Variants in CEP128 observed in about 807,000 individuals in gnomAD.
The protein encoded by CEP128 is centrosomal protein 128kDa.
In CEP128, 132 loss-of-function variants were observed where a neutral mutation model predicts 156.7. The observed-to-expected ratio is 0.84, with a 90% CI of 0.73 to 0.97. The LOEUF (loss-of-function observed/expected upper bound fraction) is 0.97. Among genes scored for constraint, CEP128 ranks in the 50% least tolerant of loss-of-function variants. The pLI, the probability that CEP128 is intolerant of heterozygous loss-of-function variation, is 0.00. For synonymous variants in CEP128, 469 were observed against 448.9 expected (o/e 1.04, Z -0.57); for missense variants, 1,252 against 1,281.9 (o/e 0.98, Z 0.36).
At chr14:80,945,647 A>C (rs1017333124), upstream of CEP128, 8 of 152,178 alleles carry the variant, frequency 5.3e-5, no homozygotes, top group African/African-American at 1.7e-4. Flanking sequence ...GAGAATTTAA[A>C]ATGGGCACTC....
chr14:80,909,357 A>T (rs1884072963), intron 4 of CEP128, among the ~76,000 whole-genome samples: 1 of 140,920 alleles, frequency 7.1e-6, no homozygotes, highest in East Asian at 2.1e-4. Context: ...AAAGCTCAGA[A>T]ATAAAGTGAA....
At chr14:80,580,105 G>A (rs776908160) in intron 20 of CEP128, among the ~76,000 whole-genome samples, 1 of 152,156 alleles carries the variant, frequency 6.6e-6, no homozygotes, top group Non-Finnish European at 1.5e-5. Flanking sequence ...AAAGGATACT[G>A]CCTTCATTTC....
At chr14:80,763,889 G>T (rs1421059735) in intron 16 of CEP128, among the ~76,000 whole-genome samples, 1 of 152,062 alleles carries the variant, frequency 6.6e-6, no homozygotes, top group Non-Finnish European at 1.5e-5. Context: ...ACGTACATAA[G>T]GCCTCCTGAT....
chr14:80,759,679 A>T (rs1362732433), intron 17 of CEP128, among the ~76,000 whole-genome samples: 1 of 152,164 alleles, frequency 6.6e-6, no homozygotes, highest in Admixed American at 6.5e-5. Flanking sequence ...CTTGGATTGA[A>T]TTAGTCTTTC....
At chr14:80,584,432 C>T (rs1891727958) in intron 19 of CEP128, among the ~76,000 whole-genome samples, 1 of 152,122 alleles carries the variant, frequency 6.6e-6, no homozygotes, top group Non-Finnish European at 1.5e-5. Context: ...AGGTGTGAGC[C>T]ACTGCCTCTG....
At chr14:80,756,368 T>C (rs1259691198) in intron 18 of CEP128, among the ~76,000 whole-genome samples, 1 of 152,184 alleles carries the variant, frequency 6.6e-6, no homozygotes, top group East Asian at 1.9e-4. Flanking sequence ...GTAAACTTTA[T>C]CTTTCCATCA....
chr14:80,845,012 T>C (rs554879702), intron 9 of CEP128, among the ~76,000 whole-genome samples: 22 of 152,264 alleles, frequency 1.4e-4, no homozygotes, highest in African/African-American at 4.8e-4. Context: ...GGACACAATC[T>C]TTACCCTAAA....
chr14:80,671,615 A>G lies in CEP128; in HGVS notation c.2806+71460T>C, dbSNP rs116194492. On this transcript the variant is annotated intron_variant, in intron 19 of 24. Transcript: ENST00000555265. ...CTCTGTCAAGGACAAGCCATGGGGAATGAACAGAAATAAACAGGCAATCTA... is the reference window on the plus strand; with the variant it reads ...CTCTGTCAAGGACAAGCCATGGGGAGTGAACAGAAATAAACAGGCAATCTA... Among the ~76,000 whole-genome samples the G allele has an allele frequency of 4.7e-3, 710 of 152,302 alleles. 4 individuals are homozygous for G. Among genetic ancestry groups the G allele is most frequent in the African/African-American group, 0.016 (680 of 41,582 alleles).
intron 14 of CEP128, among the ~76,000 whole-genome samples, chr14:80,481,028 A>T (rs1170258122): frequency 6.6e-6 from 1 of 151,944 alleles, no homozygotes; most frequent in Non-Finnish European, 1.5e-5. Context: ...AGCCCTCCAA[A>T]CTGTTCCAAC....
intron 23 of CEP128, among the ~76,000 whole-genome samples, chr14:80,515,957 C>T (rs1459134867): frequency 6.6e-6 from 1 of 152,204 alleles, no homozygotes; most frequent in Non-Finnish European, 1.5e-5. Flanking sequence ...CAACGACCAC[C>T]TCCCGGGTTC....
In CEP128 at chr14:80,819,239, CTTTTTTTTTTTT is replaced by C. The variant is rs1187431254; in HGVS notation, c.1209+11892_1209+11903del. On this transcript the variant is annotated intron_variant, in intron 13 of 24. Coordinates refer to ENST00000555265, the MANE Select transcript of CEP128 (RefSeq NM_152446.5). ...AGCAAGCCAGCTCTCTGGCATCTTC[CTTTTTTTTTTTT>C]TTTTTTTTTTTTTGAGATGGAGTCT... Among the ~76,000 whole-genome samples the C allele has an allele frequency of 1.7e-4, 14 of 82,750 alleles. No individual in the cohort carries two copies. The South Asian group carries it at 2.5e-3, about 15-fold the overall frequency. 54.3% of individuals were successfully genotyped at this position (82,750 alleles called of 152,430 possible).
chr14:80,696,745 T>C (rs971512025), intron 19 of CEP128, among the ~76,000 whole-genome samples: 1 of 152,154 alleles, frequency 6.6e-6, no homozygotes, highest in Non-Finnish European at 1.5e-5. Flanking sequence ...TTTCAGTAGG[T>C]TGAAGAAAGA....
At chr14:80,578,172 T>C (rs1396585397) in intron 20 of CEP128, among the ~76,000 whole-genome samples, 1 of 152,172 alleles carries the variant, frequency 6.6e-6, no homozygotes, top group Non-Finnish European at 1.5e-5. Flanking sequence ...TTTATAGTCT[T>C]CACTAATTAT....
chr14:80,766,193 C>T (rs1391547392), intron 16 of CEP128, among the ~76,000 whole-genome samples: 2 of 152,134 alleles, frequency 1.3e-5, no homozygotes, highest in Admixed American at 6.5e-5. Context: ...GTGTGCTAAT[C>T]ACACACTGAA....
chr14:80,791,220 G>A (rs1443352861), intron 14 of CEP128, among the ~76,000 whole-genome samples: 1 of 151,958 alleles, frequency 6.6e-6, no homozygotes, highest in African/African-American at 2.4e-5. Flanking sequence ...ACTGCAACAT[G>A]CTGCATTAAT....
chr14:80,516,630 C>T (rs1321887890), intron 23 of CEP128, among the ~76,000 whole-genome samples: 4 of 152,178 alleles, frequency 2.6e-5, no homozygotes, highest in African/African-American at 9.7e-5. Context: ...TATCAGGATG[C>T]ATGATTCCCT....
At chr14:80,755,207 T>C (rs1048057127) in intron 18 of CEP128, among the ~76,000 whole-genome samples, 1 of 152,174 alleles carries the variant, frequency 6.6e-6, no homozygotes, top group Non-Finnish European at 1.5e-5. Context: ...CCCTTGAACA[T>C]TGGACTCCAA....
chr14:80,853,315 A>T (rs1886987624), intron 9 of CEP128, among the ~76,000 whole-genome samples: 1 of 151,882 alleles, frequency 6.6e-6, no homozygotes, highest in African/African-American at 2.4e-5. Flanking sequence ...GATAAAAAAA[A>T]AAGAAAAGAA....
At chr14:80,636,649 A>G (rs1894191555) in intron 19 of CEP128, among the ~76,000 whole-genome samples, 1 of 152,114 alleles carries the variant, frequency 6.6e-6, no homozygotes, top group African/African-American at 2.4e-5. Flanking sequence ...AAACTCTCAA[A>G]TCAAGATGTT....
Sources: allele counts gnomAD v4.1 joint callset (sites outside exome capture counted in the v4.1 genomes callset), GRCh38; gene constraint gnomAD v4.1.1; transcripts MANE v1.5; gene names NCBI Gene and HGNC (gene_info 2026-07-23, HGNC 2026-07-21).